CDHR2: variants seen among roughly 807,000 people sequenced by gnomAD.
CDHR2 encodes cadherin-related family member 2.
In CDHR2, 104 loss-of-function variants were observed where a neutral mutation model predicts 138.6. The ratio of observed to expected loss-of-function variants is 0.75; its 90% CI spans 0.64 to 0.88. The LOEUF (loss-of-function observed/expected upper bound fraction) is 0.88, where lower values mean the gene tolerates loss of function less well. Ranked by LOEUF, CDHR2 falls within the 40% of genes least tolerant of loss-of-function variation. The pLI, the probability that CDHR2 is intolerant of heterozygous loss-of-function variation, is 0.00. For missense variants in CDHR2, 1,624 were observed against 1,727.6 expected, an observed-to-expected ratio of 0.94 and a Z score of 1.06; for synonymous variants, 755 against 742.8, an observed-to-expected ratio of 1.02 and a Z score of -0.27.
Position 176,578,102 on chromosome 5 carries a change from G to A in CDHR2, c.1574+7G>A, listed in dbSNP as rs1429144427. On this transcript the variant is annotated splice_region_variant and intron_variant, in intron 15 of 31. Transcript: ENST00000261944. Reference sequence around the variant, plus strand: ...GCCTGCTCCCAGGAAATGGGTAAGGGCTCAGGGTGGGCCGTAGGCAGGTGG... The same window carrying A: ...GCCTGCTCCCAGGAAATGGGTAAGGACTCAGGGTGGGCCGTAGGCAGGTGG... 6.2e-7 allele frequency: 1 copy of A among 1,610,544 alleles called. No individual in the cohort carries two copies. Among genetic ancestry groups the A allele is most frequent in the African/African-American group, 1.3e-5 (1 of 74,866 alleles).
intron 1 of CDHR2, among the ~76,000 whole-genome samples, chr5:176,551,438 AC>A (rs1201912584): frequency 6.6e-6 from 1 of 152,176 alleles, no homozygotes; most frequent in Non-Finnish European, 1.5e-5. Flanking sequence ...GGGCTTGAGA[AC>A]AAGGAAGCAG....
chr5:176,550,865 C>A (rs1043472438), intron 1 of CDHR2, among the ~76,000 whole-genome samples: 1 of 152,028 alleles, frequency 6.6e-6, no homozygotes, highest in Non-Finnish European at 1.5e-5. Context: ...CTCTGAGATG[C>A]GGCTGAAGCC....
intron 18 of CDHR2, 62 bp from the exon 19 acceptor site, chr5:176,584,348 G>A: frequency 6.2e-7 from 1 of 1,612,300 alleles, no homozygotes. Context: ...GAGAGGCAAG[G>A]GCAGAGGAGG....
intron 31 of CDHR2, 93 bp from the exon 32 acceptor site, chr5:176,595,439 G>T (rs1160414121): frequency 7.3e-7 from 1 of 1,372,636 alleles, no homozygotes; most frequent in Admixed American, 2.6e-5. Flanking sequence ...GGAACCACTG[G>T]TCGTGAGCTT....
chr5:176,566,466 C>T (rs564942560), intron 3 of CDHR2, among the ~76,000 whole-genome samples: 240 of 152,298 alleles, frequency 1.6e-3, no homozygotes, highest in South Asian at 2.9e-3. Flanking sequence ...CATAGGTGGC[C>T]GGGTTGGTTG....
rs1299295019 is a variant in CDHR2, at chr5:176,543,995, C to T, written c.-16+1226C>T. On this transcript the variant is annotated intron_variant, in intron 1 of 31. Coordinates refer to the CDHR2 transcript ENST00000510636. The surrounding 1 kb of genome is among the most constrained non-coding windows in gnomAD (Gnocchi z 4.0). The stretch of plus-strand genomic sequence containing the variant: ...TCCCGGCGCCGGAGGGTAGCCCCAC[C>T]GTCCCCGCCTCCTGGGCGCATTAGG... Among the ~76,000 whole-genome samples, 3 of 152,260 alleles carry T rather than the reference C, an allele frequency of 2.0e-5. No individual in the cohort carries two copies. The highest frequency in any genetic ancestry group is 6.5e-5 in the Admixed American group (1 of 15,294).
chr5:176,580,292 G>A (rs1758498308), intron 16 of CDHR2, among the ~76,000 whole-genome samples: 1 of 152,146 alleles, frequency 6.6e-6, no homozygotes, highest in Non-Finnish European at 1.5e-5. Context: ...ACTTTGGGAG[G>A]CCGAGGTGGG....
chr5:176,574,148 C>T lies in CDHR2; in HGVS notation c.471C>T (p.Gly157=). 1 of 1,613,822 alleles carries T rather than the reference C, an allele frequency of 6.2e-7. No homozygotes were observed. Among genetic ancestry groups the T allele is most frequent in the East Asian group, 2.2e-5 (1 of 44,866 alleles). ...LAVDKDMGSA[G]MVVYSIEKVI... is the part of the protein sequence containing the mutation. ...TGGATAAAGACATGGGGTCTGCAGG[C>T]ATGGTCGTGTACTCCATAGAGAAGG... The change falls in exon 7 of 32, where the codon GGC becomes GGT. Residue 157 remains glycine (G), a synonymous_variant. Coordinates refer to ENST00000261944, the MANE Select transcript of CDHR2 (RefSeq NM_017675.6).
intron 1 of CDHR2, among the ~76,000 whole-genome samples, chr5:176,549,636 C>A (rs1180649400): frequency 6.6e-6 from 1 of 152,188 alleles, no homozygotes; most frequent in Non-Finnish European, 1.5e-5. Context: ...TCCCTGGGGG[C>A]TGATGGCCCC....
intron 3 of CDHR2, among the ~76,000 whole-genome samples, chr5:176,567,736 G>A (rs184600787): frequency 6.8e-4 from 103 of 151,000 alleles, no homozygotes; most frequent in African/African-American, 2.4e-3. Context: ...CAAGTGATCC[G>A]CCCACCTCCA....
rs1022101981 is a variant in CDHR2, at chr5:176,588,488, AGT to A, written c.2857-537_2857-536del. On this transcript the variant is annotated intron_variant, in intron 21 of 31. Transcript: ENST00000261944. ...GAGTGTATGTGAGTGTGAGAGGATA[AGT>A]GTGTGAGGGTGTGTATGAGTGTGTG... is the stretch of plus-strand genomic sequence containing the variant. 1.4e-4 allele frequency among the ~76,000 whole-genome samples: 19 copies of A among 134,182 alleles called. 1 individual carries two copies. The highest frequency in any genetic ancestry group is 4.5e-4 in the African/African-American group (15 of 33,650). The allele number at this position is 134,182 out of a possible 152,430, so 88.0% of individuals were successfully genotyped here. A position where few individuals can be genotyped will look rare whatever the true frequency, so the allele number is the denominator to read the frequency against.
In CDHR2 at chr5:176,562,739, G is replaced by T. The variant is rs544302895; in HGVS notation, c.-15-2599G>T. The stretch of plus-strand genomic sequence containing the variant: ...GACAGACACTTCGAAATGGGGTTTG[G>T]GGCAGGAGCTTGGTGCTGGACAGTG... On this transcript the variant is annotated intron_variant, in intron 1 of 31. Transcript: ENST00000261944. 4.7e-4 allele frequency among the ~76,000 whole-genome samples: 71 copies of T among 152,290 alleles called. 1 individual carries two copies. The Middle Eastern group carries it at 0.01, about 22-fold the overall frequency.
intron 1 of CDHR2, among the ~76,000 whole-genome samples, chr5:176,552,609 C>T (rs10054861): frequency 0.13 from 19,126 of 151,968 alleles, 2,506 homozygotes; most frequent in African/African-American, 0.34. Context: ...TGCGCCTTCG[C>T]CAGCCCACAC....
upstream of CDHR2, chr5:176,547,315 T>C (rs180962651): frequency 6.6e-6 from 1 of 152,286 alleles, no homozygotes; most frequent in East Asian, 1.9e-4. Flanking sequence ...TCAATGGATC[T>C]CAATTCCCTT....
intron 21 of CDHR2, among the ~76,000 whole-genome samples, chr5:176,588,652 ACAGT>A (rs1758750991): frequency 7.2e-6 from 1 of 138,404 alleles, no homozygotes; most frequent in African/African-American, 2.8e-5. Context: ...TGTGAGTGGG[ACAGT>A]GTGTGAGAGT....
chr5:176,588,961 T>C lies in CDHR2; in HGVS notation c.2857-70T>C, dbSNP rs903934599. On this transcript the variant is annotated intron_variant, in intron 21 of 31. Coordinates refer to ENST00000261944, the MANE Select transcript of CDHR2 (RefSeq NM_017675.6). ...CAGCCTCCCAGGCCACCCTTGCCTC[T>C]GATCCCTGCTGGGGTGGAGGGATGC... The C allele has an allele frequency of 2.2e-5, 34 of 1,545,890 alleles. No homozygotes were observed. In the African/African-American group the frequency reaches 3.9e-4, roughly 18 times the overall value.
At chr5:176,565,459 A>G (rs1383886309) in intron 2 of CDHR2, 55 bp downstream of exon 2, 25 of 1,535,550 alleles carry the variant, frequency 1.6e-5, no homozygotes, top group Non-Finnish European at 2.2e-5. Context: ...CCTTGGCAGG[A>G]CCCTCCAGAA....
At position 176,584,548 on chromosome 5, in the gene CDHR2, G is replaced by A. The variant is rs755062841; in HGVS notation, c.2267G>A (p.Gly756Asp). 1 of 1,612,546 alleles carries A rather than the reference G, an allele frequency of 6.2e-7. No individual in the cohort carries two copies. Among genetic ancestry groups the A allele is most frequent in the South Asian group, 1.1e-5 (1 of 90,910 alleles). ...GLVLGAGWAE[G>D]YLRLPPDVSL... ...GTGCTGGGGGCTGGGTGGGCTGAGGGCTACCTCCGGCTGCCCCCGGACGTG... is the reference window on the plus strand; with the variant it reads ...GTGCTGGGGGCTGGGTGGGCTGAGGACTACCTCCGGCTGCCCCCGGACGTG... Residue 756 changes from glycine to aspartate, a missense_variant, in exon 19 of 32, where the codon GGC becomes GAC. Physicochemically the swap from Gly to Asp is moderately conservative, Grantham distance 94. This residue lies in a region of CDHR2 where 1,061 missense variants were observed against 1,136.6 expected (regional missense o/e 0.93). Coordinates refer to ENST00000261944, the MANE Select transcript of CDHR2 (RefSeq NM_017675.6).
At chr5:176,587,247 C>G (rs909048408) in intron 21 of CDHR2, among the ~76,000 whole-genome samples, 1 of 151,998 alleles carries the variant, frequency 6.6e-6, no homozygotes, top group Non-Finnish European at 1.5e-5. Flanking sequence ...CGGGAGTCTG[C>G]GACCAGCCTG....
Sources: gnomAD v4.1 joint callset for allele counts (sites outside exome capture counted in the v4.1 genomes callset) on GRCh38, gnomAD v4.1.1 for gene constraint, gnomAD v4.1.1 regional missense constraint, Gnocchi (gnomAD v3.1) non-coding constraint, MANE v1.5 for transcripts, NCBI Gene and HGNC (gene_info 2026-07-23, HGNC 2026-07-21) for gene names.